The following SDCBP variants were observed in gnomAD, a reference collection of about 807,000 sequenced individuals.
SDCBP encodes the protein syndecan binding protein.
In SDCBP, 22 loss-of-function variants were observed where a neutral mutation model predicts 30.5. The observed-to-expected ratio is 0.72, with a 90% confidence interval of 0.52 to 1.03. The LOEUF (loss-of-function observed/expected upper bound fraction) is 1.03, where lower values mean the gene tolerates loss of function less well. Among genes scored for constraint, SDCBP ranks in the 50% least tolerant of loss-of-function variants. The pLI is 0.00. For synonymous variants in SDCBP, 103 were observed against 118.7 expected, an observed-to-expected ratio of 0.87 and a Z score of 0.86; for missense variants, 304 against 369.9, an observed-to-expected ratio of 0.82 and a Z score of 1.46.
Position 58,575,979 on chromosome 8 carries a change from A to G in SDCBP, c.320A>G (p.Glu107Gly), listed in dbSNP as rs773087947. Residue 107 changes from glutamate (E) to glycine (G), a missense_variant, in exon 5 of 9, where the codon GAA becomes GGA. By Grantham distance (98) the Glu-to-Gly change is moderately conservative (BLOSUM62 -2). Coordinates refer to ENST00000260130, the MANE Select transcript of SDCBP (RefSeq NM_005625.4). ...TGNDVGIRRA[E>G]IKQGIREVIL... ...AATGATGTTGGAATTCGTAGAGCAG[A>G]AATTAAGCAAGGGATTCGTGAAGTC... 2.5e-6 allele frequency: 4 copies of G among 1,613,668 alleles called. No individual in the cohort carries two copies. In the Admixed American group the frequency reaches 6.7e-5, roughly 27 times the overall value.
intron 1 of SDCBP, among the ~76,000 whole-genome samples, chr8:58,562,006 A>G (rs1224280878): frequency 6.6e-6 from 1 of 152,064 alleles, no homozygotes; most frequent in Non-Finnish European, 1.5e-5. Flanking sequence ...TGTAAACTCC[A>G]TGGTAACCAC....
intron 1 of SDCBP, among the ~76,000 whole-genome samples, chr8:58,557,552 T>A (rs1022029070): frequency 6.9e-6 from 1 of 145,050 alleles, no homozygotes; most frequent in African/African-American, 2.5e-5. Flanking sequence ...AGTCCGAAAC[T>A]ATCCCACCCA....
At chr8:58,565,259 T>C (rs1430151693) in intron 2 of SDCBP, among the ~76,000 whole-genome samples, 175 bp downstream of exon 2, 2 of 151,724 alleles carry the variant, frequency 1.3e-5, no homozygotes, top group Non-Finnish European at 2.9e-5. Context: ...AATTAGCAAT[T>C]TTTTTTTTCA....
intron 8 of SDCBP, among the ~76,000 whole-genome samples, chr8:58,581,153 A>G (rs1805663548): frequency 1.3e-5 from 2 of 152,220 alleles, no homozygotes; most frequent in African/African-American, 4.8e-5. Context: ...CCTAGCATCT[A>G]CCATAGCTGT....
At chr8:58,581,321 T>C (rs893130691) in intron 8 of SDCBP, among the ~76,000 whole-genome samples, 1 of 152,204 alleles carries the variant, frequency 6.6e-6, no homozygotes, top group Non-Finnish European at 1.5e-5. Context: ...AAAGGAGTTA[T>C]TGTCATGACT....
intron 1 of SDCBP, among the ~76,000 whole-genome samples, chr8:58,558,708 G>A (rs538521453): frequency 5.3e-5 from 8 of 152,290 alleles, no homozygotes; most frequent in African/African-American, 1.7e-4. Flanking sequence ...GGAGTTGGGA[G>A]GAGCAAATAA....
chr8:58,572,130 A>G (rs1805060593), intron 3 of SDCBP, 75 bp from the exon 4 acceptor site: 2 of 830,096 alleles, frequency 2.4e-6, no homozygotes, highest in Non-Finnish European at 3.9e-6. Context: ...GTTAATACGC[A>G]GAAGCCCATA....
chr8:58,559,295 A>G (rs930891915), intron 1 of SDCBP, among the ~76,000 whole-genome samples: 1 of 152,206 alleles, frequency 6.6e-6, no homozygotes, highest in African/African-American at 2.4e-5. Flanking sequence ...TAGAAATAAT[A>G]TTAGATGGCC....
intron 4 of SDCBP, among the ~76,000 whole-genome samples, chr8:58,573,908 A>T (rs1163417777): frequency 6.6e-6 from 1 of 152,144 alleles, no homozygotes; most frequent in East Asian, 1.9e-4. Flanking sequence ...AACAACAACA[A>T]CTTTATAGTT....
At chr8:58,577,666 T>C (rs565175365) in intron 5 of SDCBP, among the ~76,000 whole-genome samples, 2 of 152,312 alleles carry the variant, frequency 1.3e-5, no homozygotes, top group South Asian at 2.1e-4. Flanking sequence ...TACTGATAAT[T>C]TGGTATTCTA....
In SDCBP at chr8:58,572,275, T is replaced by C; in HGVS notation, c.201T>C (p.Arg67=). The change falls in exon 4 of 9, where the codon CGT becomes CGC. Residue 67 remains arginine (R), a synonymous_variant. Transcript: ENST00000260130. ...TGAGTTTAAATGAAGAAGAAATACG[T>C]GCAAATGTGGCCGTGGTTTCTGGTG... is the stretch of plus-strand genomic sequence containing the variant. ...MGLSLNEEEI[R]ANVAVVSGAP... is the part of the protein sequence containing the mutation. The C allele has an allele frequency of 6.2e-7, 1 of 1,612,568 alleles. No homozygotes were observed. Among genetic ancestry groups the C allele is most frequent in the Non-Finnish European group, 8.5e-7 (1 of 1,179,620 alleles).
intron 1 of SDCBP, among the ~76,000 whole-genome samples, chr8:58,563,407 G>A (rs1804538421): frequency 6.6e-6 from 1 of 152,124 alleles, no homozygotes; most frequent in Admixed American, 6.5e-5. Context: ...TATGTTGCCT[G>A]GAGCTGGAAG....
intron 5 of SDCBP, 115 bp from the exon 6 acceptor site, chr8:58,577,918 C>G: frequency 1.3e-6 from 1 of 757,566 alleles, no homozygotes; most frequent in Non-Finnish European, 2.1e-6. Flanking sequence ...CTTTTTCTTT[C>G]TTTTTTGTCA....
chr8:58,580,455 T>C, intron 7 of SDCBP, 62 bp from the exon 8 acceptor site: 2 of 815,816 alleles, frequency 2.5e-6, no homozygotes, highest in Non-Finnish European at 4.2e-6. Context: ...AAGACTGGCA[T>C]AGTTTTGTAT....
intron 2 of SDCBP, chr8:58,570,650 T>G: frequency 2.4e-6 from 1 of 412,014 alleles, no homozygotes; most frequent in Non-Finnish European, 4.4e-6. Context: ...ACATGTAGAA[T>G]GGTACTTCTA....
intron 6 of SDCBP, among the ~76,000 whole-genome samples, chr8:58,578,614 T>C (rs1310760673): frequency 6.6e-6 from 1 of 152,072 alleles, no homozygotes; most frequent in East Asian, 1.9e-4. Flanking sequence ...ATCAAGACTT[T>C]TGGGTAGTTA....
chr8:58,573,831 T>A (rs1284238867), intron 4 of SDCBP, among the ~76,000 whole-genome samples: 1 of 152,180 alleles, frequency 6.6e-6, no homozygotes, highest in African/African-American at 2.4e-5. Flanking sequence ...TAATATCTGT[T>A]ACCACCTACT....
At chr8:58,577,278 TA>T in intron 5 of SDCBP, among the ~76,000 whole-genome samples, 2 of 152,372 alleles carry the variant, frequency 1.3e-5, no homozygotes, top group African/African-American at 4.8e-5. Flanking sequence ...ATTGTAGAAG[TA>T]GATGCACTTA....
Position 58,581,841 on chromosome 8 carries a change from T to C in SDCBP, c.*101T>C. On this transcript the variant is annotated 3_prime_UTR_variant, in exon 9 of 9. Coordinates refer to ENST00000260130, the MANE Select transcript of SDCBP (RefSeq NM_005625.4). ...AGCCTTCCCGGAGCCAGCGAGCATA[T>C]GCTGCATGAGGACCTTTCTATCTTA... 2 of 904,630 alleles carry C rather than the reference T, an allele frequency of 2.2e-6. No individual in the cohort carries two copies. The highest frequency in any genetic ancestry group is 1.8e-6 in the Non-Finnish European group (1 of 541,416). 56.0% of individuals were successfully genotyped at this position (904,630 alleles called of 1,614,324 possible).
Sources: gnomAD v4.1 joint callset for allele counts (sites outside exome capture counted in the v4.1 genomes callset) on GRCh38, gnomAD v4.1.1 for gene constraint, MANE v1.5 for transcripts, NCBI Gene and HGNC (gene_info 2026-07-23, HGNC 2026-07-21) for gene names.